Variants in MTHFD2L observed in about 807,000 individuals in gnomAD.
MTHFD2L encodes the protein bifunctional methylenetetrahydrofolate dehydrogenase/cyclohydrolase 2, mitochondrial.
MTHFD2L carries 29 observed loss-of-function variants against 34.9 expected under a neutral mutation model. That is an observed-to-expected ratio of 0.83 (90% CI 0.62 to 1.13). The LOEUF (loss-of-function observed/expected upper bound fraction) is 1.13. Ranked by LOEUF, MTHFD2L falls within the 50% of genes most tolerant of loss-of-function variation. MTHFD2L has a pLI of 0.00. For missense variants in MTHFD2L, 481 were observed against 446.5 expected (o/e 1.08, Z -0.70); for synonymous variants, 167 against 155.7 (o/e 1.07, Z -0.54).
At chr4:74,269,832 C>T (rs1293816761) in intron 6 of MTHFD2L, among the ~76,000 whole-genome samples, 1 of 152,050 alleles carries the variant, frequency 6.6e-6, no homozygotes, top group African/African-American at 2.4e-5. Flanking sequence ...CCTTAGTAAA[C>T]TCTAAGGCAT....
intron 5 of MTHFD2L, among the ~76,000 whole-genome samples, chr4:74,221,387 T>C (rs1267011179): frequency 6.6e-6 from 1 of 151,806 alleles, no homozygotes. Flanking sequence ...ATTAAACAAA[T>C]ACAATATATT....
intron 1 of MTHFD2L, chr4:74,162,339 T>C (rs1725629644): frequency 6.6e-6 from 1 of 152,196 alleles, no homozygotes; most frequent in Non-Finnish European, 1.5e-5. Context: ...TCCTTGTCAA[T>C]GTCATACCAA....
intron 6 of MTHFD2L, chr4:74,266,833 C>T (rs1045242166): frequency 7.1e-6 from 7 of 984,978 alleles, no homozygotes; most frequent in Non-Finnish European, 7.2e-6. Context: ...AAGGGAAAAT[C>T]TAAGACTGCA....
intron 2 of MTHFD2L, among the ~76,000 whole-genome samples, chr4:74,117,347 A>G (rs1318735111): frequency 1.3e-5 from 2 of 152,208 alleles, no homozygotes; most frequent in Non-Finnish European, 1.5e-5. Context: ...GGTTCCTGGG[A>G]TTCAGATTCA....
chr4:74,277,436 G>A (rs1746822235), intron 6 of MTHFD2L, among the ~76,000 whole-genome samples: 1 of 151,972 alleles, frequency 6.6e-6, no homozygotes, highest in Admixed American at 6.6e-5. Context: ...GTAGTTACTA[G>A]GATGCCCCAT....
At chr4:74,117,821 A>G (rs1291065720) in intron 2 of MTHFD2L, among the ~76,000 whole-genome samples, 4 of 152,160 alleles carry the variant, frequency 2.6e-5, no homozygotes, top group African/African-American at 9.7e-5. Context: ...TAAGAACTCT[A>G]TGCTCAACCC....
intron 3 of MTHFD2L, chr4:74,180,844 C>A: frequency 4.4e-6 from 1 of 228,396 alleles, no homozygotes; most frequent in Non-Finnish European, 9.9e-6. Context: ...AGATTCTTAT[C>A]AATAAGTGGT....
chr4:74,236,269 G>A (rs149949944), intron 6 of MTHFD2L, among the ~76,000 whole-genome samples: 2 of 152,192 alleles, frequency 1.3e-5, no homozygotes, highest in African/African-American at 2.4e-5. Context: ...GATTTCCCAT[G>A]TCCATTATTT....
intron 5 of MTHFD2L, 81 bp downstream of exon 5, chr4:74,201,451 C>A: frequency 1.0e-6 from 1 of 995,278 alleles, no homozygotes; most frequent in Non-Finnish European, 1.5e-6. Flanking sequence ...TTTGATAATG[C>A]AGCTTATTAT....
upstream of MTHFD2L, chr4:74,123,378 T>G (rs1196823174): frequency 2.0e-5 from 3 of 152,230 alleles, no homozygotes; most frequent in Non-Finnish European, 4.4e-5. Flanking sequence ...GCTGTTGCTC[T>G]ACTGCTTTCT....
chr4:74,160,386 GC>G (rs1335905583), intron 1 of MTHFD2L: 1 of 179,800 alleles, frequency 5.6e-6, no homozygotes, highest in Non-Finnish European at 1.2e-5. Flanking sequence ...TTGGCCACAT[GC>G]CTATAATAAT....
upstream of MTHFD2L, among the ~76,000 whole-genome samples, chr4:74,119,069 T>C (rs1721704830): frequency 6.6e-6 from 1 of 152,166 alleles, no homozygotes; most frequent in Non-Finnish European, 1.5e-5. Context: ...CAGACGCATA[T>C]CAAAACCCTG....
intron 1 of MTHFD2L, among the ~76,000 whole-genome samples, chr4:74,138,997 A>G (rs1055810244): frequency 3.3e-5 from 5 of 152,186 alleles, no homozygotes; most frequent in Non-Finnish European, 7.4e-5. Flanking sequence ...CAGTGTTTAA[A>G]GGTAGGTGCA....
rs768932793 is a variant in MTHFD2L at position 74,207,766 on chromosome 4, C to CTTTTTTTTT, written c.712+6404_712+6412dup. Among the ~76,000 whole-genome samples the CTTTTTTTTT allele has an allele frequency of 2.9e-4, 37 of 128,466 alleles. 2 individuals carry two copies. Among genetic ancestry groups the CTTTTTTTTT allele is most frequent in the African/African-American group, 3.4e-4 (11 of 32,642 alleles). 84.3% of individuals were successfully genotyped at this position (128,466 alleles called of 152,430 possible). On this transcript the variant is annotated intron_variant, in intron 5 of 7. Coordinates refer to ENST00000325278, the MANE Select transcript of MTHFD2L (RefSeq NM_001144978.3). ...AATTAACCCCAGTTGTGAAAAAGAA[C>CTTTTTTTTT]TTTTTTTTTTTTTTTTGCCAGCCTG...
intron 6 of MTHFD2L, among the ~76,000 whole-genome samples, chr4:74,246,934 T>C (rs1340928842): frequency 6.6e-6 from 1 of 152,200 alleles, no homozygotes; most frequent in Non-Finnish European, 1.5e-5. Context: ...CTTTGTTCCT[T>C]TGGCTTAGGA....
chr4:74,290,142 A>G (rs774668911), intron 7 of MTHFD2L, among the ~76,000 whole-genome samples: 1 of 152,184 alleles, frequency 6.6e-6, no homozygotes, highest in Non-Finnish European at 1.5e-5. Context: ...AATCTCCCCT[A>G]TAAAGGGACC....
At chr4:74,119,984 G>GA (rs148290797), upstream of MTHFD2L, among the ~76,000 whole-genome samples, 2,624 of 146,612 alleles carry the variant, frequency 0.018, 58 homozygotes, top group African/African-American at 0.059. Flanking sequence ...TTTTTCAAAA[G>GA]AAAAAAAAAA....
Position 74,201,314 on chromosome 4 carries a change from T to C in MTHFD2L, c.656T>C (p.Val219Ala). The C allele has an allele frequency of 6.2e-7, 1 of 1,613,840 alleles. No individual in the cohort carries two copies. The highest frequency in any genetic ancestry group is 8.5e-7 in the Non-Finnish European group (1 of 1,179,862). ...GTTGTGGCTGGAAGATCCAAGAACG[T>C]AGGGATGCCTATTGCCATGCTTTTA... ...NVVVAGRSKNVGMPIAMLLHT... is the reference protein window; with the variant it reads ...NVVVAGRSKNAGMPIAMLLHT... The change falls in exon 5 of 8, where the codon GTA becomes GCA. Residue 219 changes from valine (V) to alanine (A), a missense_variant. Val to Ala is a moderately conservative substitution (Grantham distance 64). Transcript: ENST00000325278.
chr4:74,281,639 G>A, intron 7 of MTHFD2L, 89 bp downstream of exon 7: 1 of 1,311,296 alleles, frequency 7.6e-7, no homozygotes, highest in Non-Finnish European at 1.0e-6. Flanking sequence ...ATTTATGGAG[G>A]AATTATTAAC....
Sources: gnomAD v4.1 joint callset for allele counts (sites outside exome capture counted in the v4.1 genomes callset) on GRCh38, gnomAD v4.1.1 for gene constraint, MANE v1.5 for transcripts, NCBI Gene and HGNC (gene_info 2026-07-23, HGNC 2026-07-21) for gene names.